DENND1A: variants seen among roughly 807,000 people sequenced by gnomAD.
DENND1A encodes the protein DENN domain-containing protein 1A.
Under a neutral mutation model 113.7 loss-of-function variants are expected in DENND1A, and 51 were observed. The ratio of observed to expected loss-of-function variants is 0.45; its 90% CI spans 0.36 to 0.57. DENND1A has a LOEUF of 0.57. DENND1A is among the 20% of genes least tolerant of loss of function. The pLI, the probability that DENND1A is intolerant of heterozygous loss-of-function variation, is 0.00. For missense variants in DENND1A, 1,258 were observed against 1,395.9 expected (o/e 0.90, Z 1.57); for synonymous variants, 565 against 570.8 (o/e 0.99, Z 0.14).
chr9:123,695,485 T>TAC (rs2065453102), intron 5 of DENND1A, among the ~76,000 whole-genome samples: 1 of 123,278 alleles, frequency 8.1e-6, no homozygotes, highest in East Asian at 2.2e-4. Flanking sequence ...CATTGAGTTT[T>TAC]ATATATATAT....
At chr9:123,480,693 G>A (rs936474267) in intron 13 of DENND1A, among the ~76,000 whole-genome samples, 4 of 152,030 alleles carry the variant, frequency 2.6e-5, no homozygotes, top group African/African-American at 9.7e-5. Context: ...CTGCTTATCC[G>A]CCAGCCTCCC....
In DENND1A at chr9:123,546,277, G is replaced by A. The variant is rs139312127; in HGVS notation, c.993+11293C>T. On this transcript the variant is annotated intron_variant, in intron 13 of 23. Coordinates refer to ENST00000394215, the MANE Select transcript of DENND1A (RefSeq NM_001352964.2). The stretch of plus-strand genomic sequence containing the variant: ...TTAAAACTAAGTATTGGCCGGGCGA[G>A]GTGGCTCACGCCTGTAATCCCAGCA... 1.3e-3 allele frequency among the ~76,000 whole-genome samples: 195 copies of A among 152,208 alleles called. 2 individuals carry two copies. The highest frequency in any genetic ancestry group is 4.1e-3 in the African/African-American group (171 of 41,500).
chr9:123,414,627 A>G (rs2044576290), intron 19 of DENND1A: 2 of 1,548,864 alleles, frequency 1.3e-6, no homozygotes, highest in African/African-American at 2.7e-5. Flanking sequence ...TTGCAAGAAA[A>G]AAACCCACCC....
intron 10 of DENND1A, among the ~76,000 whole-genome samples, chr9:123,611,828 T>G (rs1375895955): frequency 6.6e-6 from 1 of 152,214 alleles, no homozygotes. Context: ...TACACCCTTT[T>G]GTCCTACAAT....
intron 5 of DENND1A, among the ~76,000 whole-genome samples, chr9:123,693,892 A>G (rs760527064): frequency 1.3e-5 from 2 of 150,922 alleles, no homozygotes; most frequent in Non-Finnish European, 2.9e-5. Flanking sequence ...CAGTGGCACA[A>G]TCTCAGCTCA....
At position 123,695,291 on chromosome 9, in the gene DENND1A, A is replaced by G. The variant is rs148589695; in HGVS notation, c.303-18502T>C. 4.7e-4 allele frequency among the ~76,000 whole-genome samples: 71 copies of G among 152,326 alleles called. No individual in the cohort carries two copies. In the East Asian group the frequency reaches 8.9e-3, roughly 19 times the overall value. ...AAGAAATTCAAATAAGATTGTTGTC[A>G]GCACATTACTGTTAAAAGTCCATAC... On this transcript the variant is annotated intron_variant, in intron 5 of 23. Coordinates refer to ENST00000394215, the MANE Select transcript of DENND1A (RefSeq NM_001352964.2).
chr9:123,566,376 G>T (rs1192818045), intron 12 of DENND1A, among the ~76,000 whole-genome samples: 1 of 152,132 alleles, frequency 6.6e-6, no homozygotes, highest in Non-Finnish European at 1.5e-5. Context: ...TGAGGGCTGT[G>T]CTATTTATGT....
At chr9:123,881,229 C>T (rs1007111108) in intron 1 of DENND1A, among the ~76,000 whole-genome samples, 1 of 152,084 alleles carries the variant, frequency 6.6e-6, no homozygotes, top group African/African-American at 2.4e-5. Context: ...AATTGTTGTG[C>T]TCTTTTTTCC....
At chr9:123,593,170 T>C (rs2059537041) in intron 11 of DENND1A, among the ~76,000 whole-genome samples, 2 of 152,196 alleles carry the variant, frequency 1.3e-5, no homozygotes. Context: ...GTCTTTGCAG[T>C]CCTGAGGAGG....
chr9:123,541,357 T>C (rs1325769978), intron 13 of DENND1A, among the ~76,000 whole-genome samples: 2 of 152,214 alleles, frequency 1.3e-5, no homozygotes, highest in East Asian at 1.9e-4. Context: ...TTCTTTTGCA[T>C]AAACACTTAT....
chr9:123,877,806 G>A (rs983660670), intron 2 of DENND1A, among the ~76,000 whole-genome samples: 1 of 152,082 alleles, frequency 6.6e-6, no homozygotes, highest in African/African-American at 2.4e-5. Flanking sequence ...TGGGTGACAA[G>A]AGAGCAATTC....
At chr9:123,889,792 G>A (rs1022865165) in intron 1 of DENND1A, among the ~76,000 whole-genome samples, 2 of 152,082 alleles carry the variant, frequency 1.3e-5, no homozygotes, top group African/African-American at 2.4e-5. Flanking sequence ...GGCCAACATG[G>A]TGAAACCCCG....
At chr9:123,458,294 C>G (rs1225826297) in intron 13 of DENND1A, among the ~76,000 whole-genome samples, 1 of 152,132 alleles carries the variant, frequency 6.6e-6, no homozygotes, top group Non-Finnish European at 1.5e-5. Context: ...AGCCACCGTG[C>G]CTGGCCCCCA....
At position 123,630,390 on chromosome 9, in the gene DENND1A, C is replaced by T. The variant is rs768885726; in HGVS notation, c.705G>A (p.Leu235=). Residue 235 remains leucine (L), a synonymous_variant, in exon 10 of 24, where the codon CTG becomes CTA. Transcript: ENST00000394215. ...AGCCACCTTACCAGCAGTAGTCCAG[C>T]AGATGCGGCGGCAGCACGGGGATGT... ...HVYIPVLPPH[L]LDYCCAPMPY... 1.9e-6 allele frequency: 3 copies of T among 1,597,568 alleles called. No homozygotes were observed. Among genetic ancestry groups the T allele is most frequent in the Non-Finnish European group, 2.6e-6 (3 of 1,169,812 alleles).
chr9:123,449,930 A>G (rs1244382585), intron 18 of DENND1A, among the ~76,000 whole-genome samples: 1 of 152,030 alleles, frequency 6.6e-6, no homozygotes, highest in East Asian at 1.9e-4. Flanking sequence ...AAATCTCACA[A>G]ATCACAGCTA....
intron 18 of DENND1A, 74 bp from the exon 19 acceptor site, chr9:123,440,565 G>A: frequency 6.8e-7 from 1 of 1,473,552 alleles, no homozygotes; most frequent in Non-Finnish European, 8.9e-7. Flanking sequence ...CCACAACGAA[G>A]AGGCCTGCCA....
intron 9 of DENND1A, among the ~76,000 whole-genome samples, chr9:123,646,701 T>C (rs931104950): frequency 6.6e-6 from 1 of 152,174 alleles, no homozygotes; most frequent in African/African-American, 2.4e-5. Flanking sequence ...CTCTGACTTA[T>C]CGAGGACCTA....
chr9:123,671,936 G>C (rs537097861), intron 6 of DENND1A, among the ~76,000 whole-genome samples: 12 of 152,334 alleles, frequency 7.9e-5, no homozygotes, highest in Admixed American at 7.2e-4. Flanking sequence ...CAAATTATTT[G>C]ATTGAAAATG....
chr9:123,383,845 T>C lies in DENND1A; in HGVS notation c.1829A>G (p.Gln610Arg). Residue 610 changes from glutamine (Q) to arginine (R), a missense_variant, in exon 23 of 24, where the codon CAG becomes CGG. Gln to Arg is a conservative substitution (Grantham distance 43). Coordinates refer to ENST00000394215, the MANE Select transcript of DENND1A (RefSeq NM_001352964.2). ...AEGDEAESPE[Q>R]QVRKSTGPVP... ...AGGGCCTGTGGACTTCCGCACTTGC[T>C]GCTCTGGACTCTCTGCCTCGTCGCC... The C allele has an allele frequency of 6.2e-7, 1 of 1,613,846 alleles. No homozygotes were observed. The highest frequency in any genetic ancestry group is 1.1e-5 in the South Asian group (1 of 91,086).
Sources: gnomAD v4.1 joint callset for allele counts (sites outside exome capture counted in the v4.1 genomes callset) on GRCh38, gnomAD v4.1.1 for gene constraint, MANE v1.5 for transcripts, NCBI Gene and HGNC (gene_info 2026-07-23, HGNC 2026-07-21) for gene names.